Variants in TMTC1 observed in about 807,000 individuals in gnomAD.
TMTC1 encodes the protein protein O-mannosyl-transferase TMTC1.
Under a neutral mutation model 104.8 loss-of-function variants are expected in TMTC1, and 73 were observed. The observed-to-expected ratio is 0.70, with a 90% CI of 0.58 to 0.85. The LOEUF is 0.85. TMTC1 is among the 40% of genes least tolerant of loss of function. The probability of loss-of-function intolerance (pLI) is 0.00; values close to 1 mark genes in which losing one functional copy is unlikely to be tolerated. For missense variants in TMTC1, 1,035 were observed against 1,096.1 expected, an observed-to-expected ratio of 0.94 and a Z score of 0.79; for synonymous variants, 434 against 428.7, an observed-to-expected ratio of 1.01 and a Z score of -0.15.
In TMTC1 at chr12:29,739,294, T is replaced by TACAC. The variant is rs60837035; in HGVS notation, c.938+12368_938+12371dup. Reference sequence around the variant, plus strand: ...TTGCTCATAGTTGCACGCATTCATGTACACACACACACACACATACACAGA... The same window carrying TACAC: ...TTGCTCATAGTTGCACGCATTCATGTACACACACACACACACACACATACACAGA... On this transcript the variant is annotated intron_variant, in intron 5 of 17. Coordinates refer to ENST00000539277, the MANE Select transcript of TMTC1 (RefSeq NM_001193451.2). Among the ~76,000 whole-genome samples, 438 of 150,812 alleles carry TACAC rather than the reference T, an allele frequency of 2.9e-3. 6 individuals are homozygous for TACAC. The highest frequency in any genetic ancestry group is 9.0e-3 in the African/African-American group (372 of 41,284).
chr12:29,706,745 T>G (rs1367770796), intron 5 of TMTC1, among the ~76,000 whole-genome samples: 1 of 152,224 alleles, frequency 6.6e-6, no homozygotes, highest in Non-Finnish European at 1.5e-5. Flanking sequence ...CTGTTAATTC[T>G]TTCAATGCCA....
chr12:29,728,833 C>CA (rs113484573), intron 5 of TMTC1, among the ~76,000 whole-genome samples: 3,074 of 129,458 alleles, frequency 0.024, 98 homozygotes, highest in African/African-American at 0.076. Flanking sequence ...CGCCGTCCTA[C>CA]AAAAAAAAAA....
intron 5 of TMTC1, among the ~76,000 whole-genome samples, chr12:29,717,805 G>C (rs1343482214): frequency 6.6e-6 from 1 of 152,082 alleles, no homozygotes; most frequent in Non-Finnish European, 1.5e-5. Flanking sequence ...TTCCACAAAT[G>C]AAAAGACATG....
At chr12:29,579,062 A>G (rs563786137) in intron 8 of TMTC1, among the ~76,000 whole-genome samples, 2 of 152,324 alleles carry the variant, frequency 1.3e-5, no homozygotes, top group South Asian at 4.1e-4. Context: ...AGAGAGATTA[A>G]GACCTTTTTG....
intron 6 of TMTC1, among the ~76,000 whole-genome samples, chr12:29,617,536 CAGAGAGAGAGAGAG>C (rs145115277): frequency 7.4e-6 from 1 of 134,942 alleles, no homozygotes; most frequent in Non-Finnish European, 1.5e-5. Flanking sequence ...AAACAGACAA[CAGAGAGAGAGAGAG>C]AGAGAGAGAG....
chr12:29,583,234 T>C (rs1195598653), intron 8 of TMTC1, among the ~76,000 whole-genome samples, 173 bp downstream of exon 8: 1 of 152,212 alleles, frequency 6.6e-6, no homozygotes, highest in South Asian at 2.1e-4. Context: ...TATATCATTT[T>C]AAAAATCTAA....
intron 2 of TMTC1, among the ~76,000 whole-genome samples, chr12:29,763,072 G>C (rs566490285): frequency 4.6e-5 from 7 of 152,332 alleles, no homozygotes; most frequent in African/African-American, 1.7e-4. Context: ...ACTGGGTGTA[G>C]CAAGTTGGAA....
intron 5 of TMTC1, among the ~76,000 whole-genome samples, chr12:29,672,992 T>C (rs1940575247): frequency 6.6e-6 from 1 of 152,188 alleles, no homozygotes; most frequent in South Asian, 2.1e-4. Context: ...TAAGATAGGA[T>C]GGTTGACTGT....
At chr12:29,518,989 A>G (rs1372832650) in intron 12 of TMTC1, among the ~76,000 whole-genome samples, 1 of 152,240 alleles carries the variant, frequency 6.6e-6, no homozygotes, top group Non-Finnish European at 1.5e-5. Context: ...AGAACAGGCT[A>G]CTGTAGAAAT....
chr12:29,716,368 G>T (rs982166962), intron 5 of TMTC1, among the ~76,000 whole-genome samples: 6 of 152,106 alleles, frequency 3.9e-5, no homozygotes, highest in African/African-American at 1.4e-4. Flanking sequence ...GCAACGAAAA[G>T]TCTAGAGCAA....
intron 8 of TMTC1, 71 bp from the exon 9 acceptor site, chr12:29,572,289 C>T: frequency 1.5e-6 from 2 of 1,293,538 alleles, no homozygotes; most frequent in Non-Finnish European, 2.2e-6. Context: ...TTATGTTTTA[C>T]TCAGTTTCAT....
rs530040697 is a variant in TMTC1 at position 29,671,050 on chromosome 12, T to C, written c.939-37714A>G. On this transcript the variant is annotated intron_variant, in intron 5 of 17. Coordinates refer to ENST00000539277, the MANE Select transcript of TMTC1 (RefSeq NM_001193451.2). ...GGCTTACGCCTGTAATCCCAGCACT[T>C]TGGGAGGCTGAGGTGGGCGGATCAC... Among the ~76,000 whole-genome samples, 4 of 150,950 alleles carry C rather than the reference T, an allele frequency of 2.6e-5. No individual in the cohort carries two copies. In the South Asian group the frequency reaches 6.3e-4, roughly 24 times the overall value.
intron 11 of TMTC1, chr12:29,532,421 C>T (rs1944529784): frequency 6.6e-6 from 1 of 151,958 alleles, no homozygotes; most frequent in Admixed American, 6.6e-5. Flanking sequence ...AAGCTCAATG[C>T]CACAAAAGAA....
rs1045452241 is a variant in TMTC1, at chr12:29,783,736, A to G, written c.16T>C (p.Ser6Pro). The change falls in exon 1 of 18, where the codon TCT (serine) becomes CCT (proline). Residue 6 changes from serine (S) to proline (P), a missense_variant. Coordinates refer to ENST00000539277, the MANE Select transcript of TMTC1 (RefSeq NM_001193451.2). The surrounding 1 kb of genome is among the most constrained non-coding windows in gnomAD (Gnocchi z 4.7). Reference protein sequence around the residue: MVVTTSARGGGGDRTP... With the variant: MVVTTPARGGGGDRTP... ...CGGTCCCCGCCGCCGCCTCGGGCAG[A>G]GGTGGTCACCACCATCGCGCCGCCG... 46 of 1,196,758 alleles carry G rather than the reference A, an allele frequency of 3.8e-5. No homozygotes were observed. In the African/African-American group the frequency reaches 6.9e-4, roughly 18 times the overall value. The allele number at this position is 1,196,758 out of a possible 1,614,324, so 74.1% of individuals were successfully genotyped here.
At chr12:29,546,155 CGTGATTCTCA>C (rs1944936603) in intron 10 of TMTC1, among the ~76,000 whole-genome samples, 1 of 152,102 alleles carries the variant, frequency 6.6e-6, no homozygotes, top group South Asian at 2.1e-4. Context: ...TCTCTCCTCA[CGTGATTCTCA>C]GTCTGTAATG....
intron 6 of TMTC1, among the ~76,000 whole-genome samples, chr12:29,623,134 A>G (rs1039154548): frequency 6.6e-6 from 1 of 152,242 alleles, no homozygotes; most frequent in Non-Finnish European, 1.5e-5. Flanking sequence ...AATGGTGTCT[A>G]ACTTAACTTA....
intron 10 of TMTC1, among the ~76,000 whole-genome samples, chr12:29,549,342 G>A (rs995528749): frequency 3.3e-5 from 5 of 151,836 alleles, no homozygotes; most frequent in African/African-American, 1.2e-4. Flanking sequence ...CTAACTTATC[G>A]TAAAAAAAAT....
At chr12:29,577,933 T>G (rs552359209) in intron 8 of TMTC1, among the ~76,000 whole-genome samples, 41 of 152,274 alleles carry the variant, frequency 2.7e-4, no homozygotes, top group African/African-American at 8.2e-4. Flanking sequence ...ATCAAATTTC[T>G]ATTAAGGAAA....
intron 10 of TMTC1, among the ~76,000 whole-genome samples, chr12:29,537,524 CT>C (rs1452965361): frequency 6.6e-6 from 1 of 152,190 alleles, no homozygotes; most frequent in Non-Finnish European, 1.5e-5. Flanking sequence ...GAATCCACCC[CT>C]AATGACCTTT....
Sources: allele counts gnomAD v4.1 joint callset (sites outside exome capture counted in the v4.1 genomes callset), GRCh38; gene constraint gnomAD v4.1.1; non-coding constraint Gnocchi (gnomAD v3.1); transcripts MANE v1.5; gene names NCBI Gene and HGNC (gene_info 2026-07-23, HGNC 2026-07-21).